Variants in BRD9 observed in about 807,000 individuals in gnomAD.
BRD9 encodes bromodomain containing 9, also known as bromodomain-containing protein 9.
In BRD9, 47 loss-of-function variants were observed where a neutral mutation model predicts 68.7. The ratio of observed to expected loss-of-function variants is 0.68; its 90% CI spans 0.54 to 0.87. The LOEUF is 0.87. BRD9 is among the 40% of genes least tolerant of loss of function. The pLI is 0.00. For missense variants in BRD9, 670 were observed against 748.4 expected (o/e 0.90, Z 1.22); for synonymous variants, 313 against 293.9 (o/e 1.06, Z -0.67).
chr5:881,292 A>G, intron 8 of BRD9, 110 bp from the exon 9 acceptor site: 2 of 1,049,306 alleles, frequency 1.9e-6, no homozygotes, highest in South Asian at 1.4e-5. Context: ...CATTTGTCCA[A>G]GAACAAACGC....
At chr5:892,387 C>G in intron 1 of BRD9, 3 of 1,140,194 alleles carry the variant, frequency 2.6e-6, no homozygotes, top group Non-Finnish European at 3.5e-6. Flanking sequence ...CAGCCTCGAA[C>G]CCAGAACCCT....
At chr5:871,662 G>T in intron 12 of BRD9, 98 bp from the exon 13 acceptor site, 2 of 1,166,460 alleles carry the variant, frequency 1.7e-6, no homozygotes, top group Non-Finnish European at 2.6e-6. Context: ...TGGCTTGTGC[G>T]CTTCTGCGAA....
At chr5:876,962 G>A (rs918060447) in intron 11 of BRD9, among the ~76,000 whole-genome samples, 6 of 152,232 alleles carry the variant, frequency 3.9e-5, no homozygotes, top group African/African-American at 7.2e-5. Context: ...GTGTCTGTGC[G>A]CTGAGGCTGG....
chr5:865,391 C>T (rs764225126), intron 15 of BRD9, 23 bp downstream of exon 15: 36 of 1,548,530 alleles, frequency 2.3e-5, no homozygotes, highest in Middle Eastern at 2.0e-4. Context: ...TCTGGGGATG[C>T]GGCGTGGGTG....
At chr5:886,570 G>C in intron 7 of BRD9, 22 bp downstream of exon 7, 1 of 1,603,226 alleles carries the variant, frequency 6.2e-7, no homozygotes, top group Admixed American at 1.7e-5. Context: ...AAAAGCAAAT[G>C]TGGTTTCCAC....
intron 11 of BRD9, 147 bp downstream of exon 11, chr5:878,208 T>C (rs1017681959): frequency 2.5e-6 from 3 of 1,203,628 alleles, no homozygotes; most frequent in African/African-American, 3.1e-5. Context: ...TGTGGATGAC[T>C]GAAAGCAACG....
chr5:882,168 T>C (rs1751866472), intron 8 of BRD9: 1 of 152,946 alleles, frequency 6.5e-6, no homozygotes, highest in Non-Finnish European at 1.5e-5. Context: ...TCTTGGAGAA[T>C]GTGGCAATTC....
At chr5:865,279 G>T in intron 15 of BRD9, 135 bp downstream of exon 15, 1 of 1,234,682 alleles carries the variant, frequency 8.1e-7, no homozygotes, top group South Asian at 1.6e-5. Context: ...TGTGGAAACC[G>T]ACCTCCACAA....
At chr5:889,255 G>A (rs903020291) in intron 4 of BRD9, 90 bp from the exon 5 acceptor site, 10 of 1,340,914 alleles carry the variant, frequency 7.5e-6, no homozygotes, top group African/African-American at 3.0e-5. Context: ...ACAACTGACC[G>A]AATTTTGTTT....
In BRD9 at chr5:891,980, G is replaced by C. The variant is rs116195963; in HGVS notation, c.53-126C>G. ...AGTACAGCGGGGCTGCCAACCAGCA[G>C]GGAAAGACGGAAGGGAAGACCACAG... On this transcript the variant is annotated intron_variant, in intron 1 of 15. Coordinates refer to ENST00000467963, the MANE Select transcript of BRD9 (RefSeq NM_023924.5). 3.7e-3 allele frequency: 5,252 copies of C among 1,414,974 alleles called. 117 individuals carry two copies. The African/African-American group carries it at 0.053, about 14-fold the overall frequency. The allele number at this position is 1,414,974 out of a possible 1,614,324, so 87.7% of individuals were successfully genotyped here. A position where few individuals can be genotyped will look rare whatever the true frequency, so the allele number is the denominator to read the frequency against.
intron 6 of BRD9, 74 bp downstream of exon 6, chr5:887,287 C>T: frequency 7.8e-7 from 1 of 1,289,354 alleles, no homozygotes; most frequent in Admixed American, 1.7e-5. Context: ...CACTGTGAGG[C>T]TCCCTTCGGG....
chr5:865,335 G>A (rs1396901800), intron 15 of BRD9, 79 bp downstream of exon 15: 2 of 1,462,692 alleles, frequency 1.4e-6, no homozygotes, highest in Non-Finnish European at 1.8e-6. Flanking sequence ...CAACTACAAT[G>A]CTGCCCACTA....
At chr5:883,528 A>G in intron 8 of BRD9, 1 of 433,838 alleles carries the variant, frequency 2.3e-6, no homozygotes, top group Admixed American at 2.6e-5. Context: ...CCACGTGAAC[A>G]CAGTCGGTGG....
rs1439718596 is a variant in BRD9, at chr5:864,145, G to A, written c.*323C>T. Reference sequence around the variant, plus strand: ...TCCACTCCTCAGGGTTCACGGGGCTGTGTACAGAGACTCTCTCTGCTGACA... The same window carrying A: ...TCCACTCCTCAGGGTTCACGGGGCTATGTACAGAGACTCTCTCTGCTGACA... On this transcript the variant is annotated 3_prime_UTR_variant, in exon 16 of 16. Coordinates refer to ENST00000467963, the MANE Select transcript of BRD9 (RefSeq NM_023924.5). 2 of 202,196 alleles carry A rather than the reference G, an allele frequency of 9.9e-6. No homozygotes were observed. The highest frequency in any genetic ancestry group is 1.0e-5 in the Non-Finnish European group (1 of 97,204). The allele number at this position is 202,196 out of a possible 1,614,324, so 12.5% of individuals were successfully genotyped here.
Position 891,858 on chromosome 5 carries a change from CA to C in BRD9, c.53-5del, listed in dbSNP as rs769124045. 6.5e-7 allele frequency: 1 copy of C among 1,550,332 alleles called. No individual in the cohort carries two copies. Among genetic ancestry groups the C allele is most frequent in the African/African-American group, 1.4e-5 (1 of 72,936 alleles). On this transcript the variant is annotated splice_region_variant and splice_polypyrimidine_tract_variant and intron_variant, in intron 1 of 15. Transcript: ENST00000467963. Reference sequence around the variant, plus strand: ...TCCAGGGGCTTGTCGGCATAATCTGCACAGACACAGACCGAGTTCTACCCGC... The same window carrying C: ...TCCAGGGGCTTGTCGGCATAATCTGCCAGACACAGACCGAGTTCTACCCGC...
chr5:875,372 G>A (rs1213793614), intron 12 of BRD9, among the ~76,000 whole-genome samples: 3 of 151,296 alleles, frequency 2.0e-5, no homozygotes, highest in African/African-American at 7.3e-5. Context: ...TTTGGAGATG[G>A]GGTCTGGCTC....
chr5:880,674 T>C (rs1751603838), intron 9 of BRD9, among the ~76,000 whole-genome samples: 1 of 152,242 alleles, frequency 6.6e-6, no homozygotes, highest in Non-Finnish European at 1.5e-5. Context: ...ACAGGCCTAG[T>C]GTGCACCATC....
chr5:871,383 G>A, intron 13 of BRD9, 143 bp downstream of exon 13: 1 of 753,764 alleles, frequency 1.3e-6, no homozygotes, highest in Non-Finnish European at 2.3e-6. Flanking sequence ...AAGAGGAGGA[G>A]AAACACTATT....
At chr5:888,774 G>A (rs1046365553) in intron 5 of BRD9, among the ~76,000 whole-genome samples, 3 of 152,248 alleles carry the variant, frequency 2.0e-5, no homozygotes. Flanking sequence ...CGCCAGCGCA[G>A]TAACTTAGAA....
Sources: gnomAD v4.1 joint callset for allele counts (sites outside exome capture counted in the v4.1 genomes callset) on GRCh38, gnomAD v4.1.1 for gene constraint, MANE v1.5 for transcripts, NCBI Gene and HGNC (gene_info 2026-07-23, HGNC 2026-07-21) for gene names.